COA1: variants seen among roughly 807,000 people sequenced by gnomAD.
COA1 encodes cytochrome c oxidase assembly factor 1 homolog.
Under a neutral mutation model 16.0 loss-of-function variants are expected in COA1, and 13 were observed. The ratio of observed to expected loss-of-function variants is 0.81; its 90% CI spans 0.53 to 1.29. COA1 has a LOEUF of 1.29. Ranked by LOEUF, COA1 falls within the 50% of genes most tolerant of loss-of-function variation. COA1 has a pLI of 0.00. For synonymous variants in COA1, 65 were observed against 65.7 expected (o/e 0.99, Z 0.05); for missense variants, 179 against 177.0 (o/e 1.01, Z -0.06).
intron 6 of COA1, chr7:43,623,750 C>A: frequency 6.2e-7 from 1 of 1,606,424 alleles, no homozygotes; most frequent in South Asian, 1.1e-5. Flanking sequence ...ACAGGAATAT[C>A]ACCTTTCTTA....
intron 1 of COA1, among the ~76,000 whole-genome samples, chr7:43,677,524 C>T (rs563709611): frequency 6.6e-6 from 1 of 152,284 alleles, no homozygotes; most frequent in African/African-American, 2.4e-5. Context: ...TGTAGCTGGG[C>T]TCAGTGGCTC....
downstream of COA1, among the ~76,000 whole-genome samples, chr7:43,638,555 CTTTT>C (rs1264359982): frequency 3.8e-5 from 5 of 131,690 alleles, no homozygotes; most frequent in African/African-American, 1.4e-4. Flanking sequence ...CCTTTCCCTT[CTTTT>C]TCTTTCCTTT....
At chr7:43,685,415 A>G (rs2093978938) in intron 1 of COA1, among the ~76,000 whole-genome samples, 1 of 152,222 alleles carries the variant, frequency 6.6e-6, no homozygotes, top group African/African-American at 2.4e-5. Flanking sequence ...CAAGATCTAC[A>G]TGCTTTACAT....
intron 6 of COA1, among the ~76,000 whole-genome samples, chr7:43,610,377 G>C: frequency 7.9e-6 from 1 of 127,266 alleles, no homozygotes; most frequent in Admixed American, 8.9e-5. Context: ...AAAAAGACTT[G>C]CTATATGGCC....
intron 6 of COA1, among the ~76,000 whole-genome samples, chr7:43,617,823 C>A (rs1438115977): frequency 6.6e-6 from 1 of 152,172 alleles, no homozygotes; most frequent in Non-Finnish European, 1.5e-5. Flanking sequence ...AGAAACCCAG[C>A]ATCCAGTGGA....
At chr7:43,708,675 C>G (rs1469322580) in intron 1 of COA1, among the ~76,000 whole-genome samples, 3 of 152,176 alleles carry the variant, frequency 2.0e-5, no homozygotes, top group Non-Finnish European at 4.4e-5. Flanking sequence ...GTTCAAGTCT[C>G]TTACCCATTA....
intron 1 of COA1, among the ~76,000 whole-genome samples, chr7:43,660,717 A>G (rs1462752249): frequency 6.6e-6 from 1 of 152,096 alleles, no homozygotes; most frequent in Non-Finnish European, 1.5e-5. Context: ...ATATCTTTGG[A>G]TATTTTCCAC....
intron 6 of COA1, chr7:43,624,855 T>A: frequency 1.3e-6 from 2 of 1,567,514 alleles, no homozygotes; most frequent in Non-Finnish European, 1.7e-6. Context: ...AATATTTCCC[T>A]TTAGAACTTC....
At chr7:43,709,434 T>G (rs1047159481) in intron 1 of COA1, among the ~76,000 whole-genome samples, 10 of 144,894 alleles carry the variant, frequency 6.9e-5, no homozygotes, top group African/African-American at 2.0e-4. Flanking sequence ...CTTTGTTTTA[T>G]TGTGTGTGTG....
At chr7:43,670,706 G>A (rs185050584) in intron 1 of COA1, among the ~76,000 whole-genome samples, 27 of 152,236 alleles carry the variant, frequency 1.8e-4, no homozygotes, top group Middle Eastern at 3.4e-3. Context: ...ACAATGTAAT[G>A]CCCACAAACA....
At chr7:43,676,484 A>G (rs2093523263) in intron 1 of COA1, among the ~76,000 whole-genome samples, 2 of 152,206 alleles carry the variant, frequency 1.3e-5, no homozygotes, top group South Asian at 4.1e-4. Context: ...TAAGTGCAAT[A>G]GGCTAGGACA....
chr7:43,718,206 T>A (rs1023045444), intron 1 of COA1, among the ~76,000 whole-genome samples: 1 of 152,244 alleles, frequency 6.6e-6, no homozygotes, highest in African/African-American at 2.4e-5. Context: ...GTATTATTAT[T>A]TATTTGTAAG....
In COA1 at chr7:43,639,627, C is replaced by G; in HGVS notation, c.396G>C (p.Val132=). 6.2e-7 allele frequency: 1 copy of G among 1,614,098 alleles called. No homozygotes were observed. The highest frequency in any genetic ancestry group is 1.1e-5 in the South Asian group (1 of 91,086). The change falls in exon 6 of 6, where the codon GTG becomes GTC. Residue 132 remains valine, a synonymous_variant. Transcript: ENST00000223336. ...CACCGTTTTCCCCACTGAGCTTGAA[C>G]ACAGGAATCTGCTGACCATCCTTGA... ...LELKDGQQIP[V]FKLSGENGDE...
chr7:43,660,207 G>A (rs1341347069), intron 1 of COA1, among the ~76,000 whole-genome samples: 2 of 151,928 alleles, frequency 1.3e-5, no homozygotes, highest in African/African-American at 4.8e-5. Flanking sequence ...CTCATTCAAG[G>A]GCATGAATCT....
downstream of COA1, among the ~76,000 whole-genome samples, chr7:43,638,566 CTTTTTT>C (rs746584234): frequency 0.01 from 1,012 of 97,332 alleles, 5 homozygotes; most frequent in East Asian, 0.048. Flanking sequence ...TTTTTCTTTC[CTTTTTT>C]TTTTTTTTTT....
chr7:43,661,647 A>AAAGG (rs777799094), intron 1 of COA1, among the ~76,000 whole-genome samples: 2 of 132,508 alleles, frequency 1.5e-5, no homozygotes, highest in Non-Finnish European at 3.6e-5. Flanking sequence ...AAAAAAAAAA[A>AAAGG]AAAGAGACAT....
chr7:43,678,359 G>A (rs940690930), intron 1 of COA1, among the ~76,000 whole-genome samples: 3 of 152,136 alleles, frequency 2.0e-5, no homozygotes, highest in Non-Finnish European at 4.4e-5. Context: ...AAACATTAGG[G>A]CTAAAAGTAT....
chr7:43,638,433 A>ATGTT (rs1367061040), downstream of COA1, among the ~76,000 whole-genome samples: 1 of 152,130 alleles, frequency 6.6e-6, no homozygotes, highest in Admixed American at 6.5e-5. Flanking sequence ...GCTTTATAAT[A>ATGTT]TGTTTCCTTA....
intron 4 of COA1, chr7:43,641,542 A>T (rs1584202694): frequency 6.6e-6 from 1 of 152,182 alleles, no homozygotes; most frequent in Non-Finnish European, 1.5e-5. Context: ...TTTCACAATA[A>T]AATACCAAAA....
Sources: allele counts gnomAD v4.1 joint callset (sites outside exome capture counted in the v4.1 genomes callset), GRCh38; gene constraint gnomAD v4.1.1; transcripts MANE v1.5; gene names NCBI Gene and HGNC (gene_info 2026-07-23, HGNC 2026-07-21).